The following TSNARE1 variants were observed in gnomAD, a reference collection of about 807,000 sequenced individuals.
The protein encoded by TSNARE1 is t-SNARE domain-containing protein 1.
A neutral mutation model predicts 62.0 loss-of-function variants in TSNARE1; 49 were observed. The observed-to-expected ratio is 0.79, with a 90% CI of 0.63 to 1.00. TSNARE1 has a LOEUF of 1.00. Among genes scored for constraint, TSNARE1 ranks in the 50% least tolerant of loss-of-function variants. TSNARE1 has a pLI of 0.00. For synonymous variants in TSNARE1, 328 were observed against 294.4 expected, an observed-to-expected ratio of 1.11 and a Z score of -1.17; for missense variants, 755 against 700.1, an observed-to-expected ratio of 1.08 and a Z score of -0.88.
intron 12 of TSNARE1, among the ~76,000 whole-genome samples, chr8:142,241,808 A>ACT (rs1236522733): frequency 6.6e-6 from 1 of 152,116 alleles, no homozygotes; most frequent in African/African-American, 2.4e-5. Context: ...TACACACAGA[A>ACT]GAGTAAAAAC....
At chr8:142,261,168 AGAGGGAAGGATGT>A (rs1818866104) in intron 12 of TSNARE1, among the ~76,000 whole-genome samples, 1 of 77,052 alleles carries the variant, frequency 1.3e-5, no homozygotes, top group African/African-American at 5.3e-5. Flanking sequence ...GAGGGAGGAG[AGAGGGAAGGATGT>A]GGGAGGAAGG....
intron 12 of TSNARE1, among the ~76,000 whole-genome samples, chr8:142,267,974 C>T (rs1297926281): frequency 1.3e-5 from 2 of 152,222 alleles, no homozygotes; most frequent in Non-Finnish European, 2.9e-5. Flanking sequence ...CTGGTGAAGC[C>T]AAGACCACAG....
At chr8:142,222,752 CCACT>C (rs1452030992) in intron 13 of TSNARE1, among the ~76,000 whole-genome samples, 12 of 18,418 alleles carry the variant, frequency 6.5e-4, no homozygotes, top group Admixed American at 2.6e-3. Flanking sequence ...ACTCACTCAT[CCACT>C]CACTCACTCA....
chr8:142,220,624 G>C (rs1816167598), intron 13 of TSNARE1, among the ~76,000 whole-genome samples: 1 of 152,242 alleles, frequency 6.6e-6, no homozygotes, highest in Admixed American at 6.5e-5. Flanking sequence ...GCTCAGCACA[G>C]AGGGGCATCT....
chr8:142,310,000 T>C (rs1827312098), intron 9 of TSNARE1, among the ~76,000 whole-genome samples: 2 of 152,136 alleles, frequency 1.3e-5, no homozygotes, highest in South Asian at 4.1e-4. Context: ...AGTTGTCAAA[T>C]TTATTGATGT....
chr8:142,318,342 G>C (rs1828911184), intron 7 of TSNARE1, among the ~76,000 whole-genome samples: 1 of 152,230 alleles, frequency 6.6e-6, no homozygotes, highest in Non-Finnish European at 1.5e-5. Context: ...CCCGGCACGT[G>C]GTCAGCACAC....
chr8:142,229,322 T>A (rs1040149160), intron 13 of TSNARE1, among the ~76,000 whole-genome samples, 151 bp downstream of exon 13: 1 of 151,246 alleles, frequency 6.6e-6, no homozygotes, highest in East Asian at 2.0e-4. Context: ...GATGGGTAGA[T>A]GGATGGACAG....
intron 10 of TSNARE1, among the ~76,000 whole-genome samples, chr8:142,284,746 C>T (rs1586544790): frequency 6.6e-6 from 1 of 152,344 alleles, no homozygotes. Flanking sequence ...TCTCCTGACT[C>T]TGAAGCCAAA....
At chr8:142,292,332 G>A (rs1823932311) in intron 10 of TSNARE1, among the ~76,000 whole-genome samples, 1 of 152,226 alleles carries the variant, frequency 6.6e-6, no homozygotes, top group Admixed American at 6.5e-5. Context: ...GGGCCGGAGA[G>A]GAATGGAGGA....
At chr8:142,368,729 C>T (rs1006220901) in intron 1 of TSNARE1, among the ~76,000 whole-genome samples, 4 of 152,126 alleles carry the variant, frequency 2.6e-5, no homozygotes, top group Admixed American at 6.5e-5. Flanking sequence ...AGACGGCAGA[C>T]GGGCGGCCCT....
At chr8:142,255,515 TCAC>T (rs1208801663) in intron 12 of TSNARE1, among the ~76,000 whole-genome samples, 3 of 9,834 alleles carry the variant, frequency 3.1e-4, no homozygotes, top group African/African-American at 3.7e-4. Flanking sequence ...ACTGTCACCA[TCAC>T]CACCACCACC....
chr8:142,273,132 CGGCGTCCATGGCACA>C, intron 12 of TSNARE1: 1 of 985,414 alleles, frequency 1.0e-6, no homozygotes, highest in South Asian at 4.7e-5. Context: ...GAATGCGGCA[CGGCGTCCATGGCACA>C]GGTGGCTGGC....
chr8:142,269,880 A>G (rs1819371639), intron 12 of TSNARE1: 2 of 985,306 alleles, frequency 2.0e-6, no homozygotes, highest in South Asian at 9.4e-5. Context: ...GTTCTTTCAT[A>G]GACAAGTTAC....
At chr8:142,229,962 T>C (rs969330521) in intron 12 of TSNARE1, among the ~76,000 whole-genome samples, 2 of 152,196 alleles carry the variant, frequency 1.3e-5, no homozygotes, top group Non-Finnish European at 2.9e-5. Flanking sequence ...ATGGAGATAT[T>C]TGAAAGCCTT....
At chr8:142,313,814 C>A (rs941978980) in intron 9 of TSNARE1, among the ~76,000 whole-genome samples, 2 of 152,226 alleles carry the variant, frequency 1.3e-5, no homozygotes, top group Non-Finnish European at 2.9e-5. Context: ...CACTCTGTCG[C>A]CCAGGCTGGA....
chr8:142,283,821 CAGTGTCTGTCAATGAGCAGAGGCAGGGTT>C lies in TSNARE1; in HGVS notation c.1363+563_1363+591del, dbSNP rs1822198030. ...GTCTGTCAATGAGCGGAGGTGGGGC[CAGTGTCTGTCAATGAGCAGAGGCAGGGTT>C]AGTGTCTGTCAACGAGCAGAGGCAG... On this transcript the variant is annotated intron_variant, in intron 11 of 13. Coordinates refer to ENST00000524325, the MANE Select transcript of TSNARE1 (RefSeq NM_145003.5). 1.6e-5 allele frequency among the ~76,000 whole-genome samples: 2 copies of C among 128,492 alleles called. 1 individual carries two copies. The highest frequency in any genetic ancestry group is 3.4e-5 in the Non-Finnish European group (2 of 58,540). The allele number at this position is 128,492 out of a possible 152,430, so 84.3% of individuals were successfully genotyped here. A position where few individuals can be genotyped will look rare whatever the true frequency, so the allele number is the denominator to read the frequency against.
intron 1 of TSNARE1, among the ~76,000 whole-genome samples, chr8:142,393,972 C>T (rs1291529182): frequency 1.3e-5 from 2 of 152,244 alleles, no homozygotes; most frequent in Non-Finnish European, 2.9e-5. Flanking sequence ...ACCTTTGTTG[C>T]TTCAGGCTAC....
chr8:142,289,000 G>A (rs1292495802), intron 10 of TSNARE1, among the ~76,000 whole-genome samples: 3 of 152,132 alleles, frequency 2.0e-5, no homozygotes, highest in South Asian at 2.1e-4. Flanking sequence ...GACCTCTTTC[G>A]AGCGAACGCA....
chr8:142,262,225 C>T (rs1690939563), intron 12 of TSNARE1, among the ~76,000 whole-genome samples: 1 of 152,134 alleles, frequency 6.6e-6, no homozygotes, highest in African/African-American at 2.4e-5. Flanking sequence ...GCCTGCCAAA[C>T]TCCTTGAAAA....
Sources: gnomAD v4.1 joint callset for allele counts (sites outside exome capture counted in the v4.1 genomes callset) on GRCh38, gnomAD v4.1.1 for gene constraint, MANE v1.5 for transcripts, NCBI Gene and HGNC (gene_info 2026-07-23, HGNC 2026-07-21) for gene names.